The following MMP16 variants were observed in gnomAD, a reference collection of about 807,000 sequenced individuals.
MMP16 encodes matrix metallopeptidase 16, also known as matrix metalloproteinase-16.
In MMP16, 12 loss-of-function variants were observed where a neutral mutation model predicts 67.8. That is an observed-to-expected ratio of 0.18 (90% CI 0.11 to 0.29). MMP16 has a LOEUF of 0.29. Among genes scored for constraint, MMP16 ranks in the 10% least tolerant of loss-of-function variants. The pLI, the probability that MMP16 is intolerant of heterozygous loss-of-function variation, is 1.00. For missense variants in MMP16, 475 were observed against 765.7 expected, an observed-to-expected ratio of 0.62 and a Z score of 4.48; for synonymous variants, 249 against 255.9, an observed-to-expected ratio of 0.97 and a Z score of 0.26.
chr8:88,161,557 TC>T (rs1201759606), intron 4 of MMP16, among the ~76,000 whole-genome samples: 1 of 152,152 alleles, frequency 6.6e-6, no homozygotes, highest in Non-Finnish European at 1.5e-5. Context: ...TTCCTTCAGT[TC>T]TTCTCTGATC....
chr8:88,066,202 C>G (rs1347003703), intron 7 of MMP16, among the ~76,000 whole-genome samples: 1 of 152,100 alleles, frequency 6.6e-6, no homozygotes, highest in Admixed American at 6.6e-5. Context: ...AGAGATTGCA[C>G]CAGCTCAATT....
At chr8:88,202,423 G>A (rs1254329376) in intron 1 of MMP16, among the ~76,000 whole-genome samples, 3 of 152,136 alleles carry the variant, frequency 2.0e-5, no homozygotes, top group Admixed American at 1.3e-4. Flanking sequence ...GTTACACTTC[G>A]TAGTAGCTGT....
At chr8:88,253,143 A>C (rs192460778) in intron 1 of MMP16, among the ~76,000 whole-genome samples, 121 of 152,238 alleles carry the variant, frequency 7.9e-4, no homozygotes, top group Non-Finnish European at 5.9e-5. Flanking sequence ...ACTAGAATGC[A>C]TTTGACACAG....
At chr8:88,246,052 A>G (rs536552832) in intron 1 of MMP16, among the ~76,000 whole-genome samples, 32 of 152,280 alleles carry the variant, frequency 2.1e-4, no homozygotes, top group Admixed American at 3.9e-4. Context: ...GGGCTAAAAA[A>G]CAGCTAAGGA....
chr8:88,298,446 C>A (rs1343220616), intron 1 of MMP16, among the ~76,000 whole-genome samples: 1 of 152,118 alleles, frequency 6.6e-6, no homozygotes, highest in East Asian at 1.9e-4. Context: ...TGTGGGATTG[C>A]TGAGATAGCA....
intron 8 of MMP16, among the ~76,000 whole-genome samples, chr8:88,049,207 T>A (rs1808238763): frequency 6.6e-6 from 1 of 152,240 alleles, no homozygotes; most frequent in Non-Finnish European, 1.5e-5. Flanking sequence ...GTGCCTGGAC[T>A]GCATCTTTCT....
chr8:88,292,085 G>C (rs1329443165), intron 1 of MMP16, among the ~76,000 whole-genome samples: 1 of 152,144 alleles, frequency 6.6e-6, no homozygotes, highest in African/African-American at 2.4e-5. Context: ...CACAATAGAT[G>C]CTGCTTCCTG....
In MMP16 at chr8:88,058,884, G is replaced by A. The variant is rs796694137; in HGVS notation, c.1223-2606C>T. Among the ~76,000 whole-genome samples, 8 of 152,190 alleles carry A rather than the reference G, an allele frequency of 5.3e-5. No individual in the cohort carries two copies. Among genetic ancestry groups the A allele is most frequent in the African/African-American group, 1.9e-4 (8 of 41,556 alleles). On this transcript the variant is annotated intron_variant, in intron 7 of 9. Transcript: ENST00000286614. The surrounding 1 kb of genome is among the most constrained non-coding windows in gnomAD (Gnocchi z 4.2). The stretch of plus-strand genomic sequence containing the variant: ...TTTGGACCAACACAGCAGAAATAGA[G>A]ATGGAAAGGATAAAATAAAGTCAGG...
chr8:88,079,738 G>A (rs1453000064), intron 6 of MMP16, among the ~76,000 whole-genome samples: 3 of 152,140 alleles, frequency 2.0e-5, no homozygotes, highest in Non-Finnish European at 2.9e-5. Context: ...GAATGATTAT[G>A]TCTGGAAGGC....
At chr8:88,162,000 G>A (rs1316645355) in intron 4 of MMP16, among the ~76,000 whole-genome samples, 2 of 152,018 alleles carry the variant, frequency 1.3e-5, no homozygotes, top group East Asian at 3.9e-4. Flanking sequence ...TGGAATAAGT[G>A]TGATGTGGTG....
chr8:88,235,110 C>A (rs1809919675), intron 1 of MMP16, among the ~76,000 whole-genome samples: 1 of 152,064 alleles, frequency 6.6e-6, no homozygotes, highest in South Asian at 2.1e-4. Context: ...TTAATTTATG[C>A]CCAACTGACT....
intron 1 of MMP16, among the ~76,000 whole-genome samples, chr8:88,300,242 T>G (rs1811077006): frequency 6.6e-6 from 1 of 152,198 alleles, no homozygotes; most frequent in Non-Finnish European, 1.5e-5. Flanking sequence ...AATTCATACT[T>G]TCTATGTTAA....
chr8:88,161,322 G>A (rs202000277), intron 4 of MMP16, among the ~76,000 whole-genome samples: 1 of 152,022 alleles, frequency 6.6e-6, no homozygotes, highest in East Asian at 1.9e-4. Flanking sequence ...TAGATTTTCT[G>A]GTTTATTTGC....
intron 1 of MMP16, among the ~76,000 whole-genome samples, chr8:88,284,679 T>A (rs1810794903): frequency 6.6e-6 from 1 of 152,128 alleles, no homozygotes; most frequent in Non-Finnish European, 1.5e-5. Context: ...AAGTGCTATT[T>A]ACTCACCATG....
chr8:88,217,575 C>A (rs1031059699), intron 1 of MMP16, among the ~76,000 whole-genome samples: 2 of 151,962 alleles, frequency 1.3e-5, no homozygotes, highest in African/African-American at 4.8e-5. Context: ...TCATCTTAAA[C>A]CTACTCAGTT....
chr8:88,153,548 C>T (rs1472850464), intron 4 of MMP16, among the ~76,000 whole-genome samples: 3 of 152,076 alleles, frequency 2.0e-5, no homozygotes, highest in African/African-American at 4.8e-5. Context: ...ACAGAGCCCT[C>T]AGAAATAACA....
intron 1 of MMP16, among the ~76,000 whole-genome samples, chr8:88,312,554 T>A (rs902469793): frequency 6.6e-6 from 1 of 152,050 alleles, no homozygotes; most frequent in Admixed American, 6.6e-5. Flanking sequence ...GCCAGGAAAA[T>A]TAACATATCC....
At chr8:88,176,153 A>G (rs1448905386) in intron 3 of MMP16, among the ~76,000 whole-genome samples, 2 of 152,232 alleles carry the variant, frequency 1.3e-5, no homozygotes, top group Non-Finnish European at 2.9e-5. Flanking sequence ...TACAGGTTAC[A>G]AGTGACACAG....
chr8:88,047,726 G>A (rs1808216348), intron 8 of MMP16, among the ~76,000 whole-genome samples: 1 of 152,184 alleles, frequency 6.6e-6, no homozygotes, highest in South Asian at 2.1e-4. Context: ...TTACACTACA[G>A]CGAGCCTTTG....
Sources: allele counts gnomAD v4.1 joint callset (sites outside exome capture counted in the v4.1 genomes callset), GRCh38; gene constraint gnomAD v4.1.1; non-coding constraint Gnocchi (gnomAD v3.1); transcripts MANE v1.5; gene names NCBI Gene and HGNC (gene_info 2026-07-23, HGNC 2026-07-21).